Variants in ANXA8 observed in about 807,000 individuals in gnomAD.
ANXA8 encodes the protein VAC-beta.
Under a neutral mutation model 26.8 loss-of-function variants are expected in ANXA8, and 9 were observed. The ratio of observed to expected loss-of-function variants is 0.34; its 90% CI spans 0.20 to 0.59. The LOEUF (loss-of-function observed/expected upper bound fraction) is 0.59, where lower values mean the gene tolerates loss of function less well. Among genes scored for constraint, ANXA8 ranks in the 20% least tolerant of loss-of-function variants. The pLI, the probability that ANXA8 is intolerant of heterozygous loss-of-function variation, is 0.84. For missense variants in ANXA8, 83 were observed against 238.5 expected (o/e 0.35, Z 4.29); for synonymous variants, 39 against 94.8 (o/e 0.41, Z 3.42).
chr10:47,776,180 C>T, the ANXA8 span, among the ~76,000 whole-genome samples: 1 of 151,448 alleles, frequency 6.6e-6, no homozygotes, highest in Non-Finnish European at 1.5e-5. Flanking sequence ...TTCCTGAGGA[C>T]TTTTCAATTC....
the ANXA8 span, among the ~76,000 whole-genome samples, chr10:47,697,087 A>T: frequency 1.3e-4 from 19 of 150,890 alleles, no homozygotes; most frequent in South Asian, 4.2e-4. Context: ...TATCTCCTCC[A>T]CTAGGAAATA....
chr10:47,656,135 G>A, the ANXA8 span, among the ~76,000 whole-genome samples: 1 of 151,624 alleles, frequency 6.6e-6, no homozygotes, highest in Non-Finnish European at 1.5e-5. Flanking sequence ...GGTGGCTCAC[G>A]CCTATAATCC....
At chr10:47,928,839 C>T in the ANXA8 span, among the ~76,000 whole-genome samples, 39 of 113,968 alleles carry the variant, frequency 3.4e-4, no homozygotes, top group African/African-American at 1.2e-3. Flanking sequence ...CACTGCAACT[C>T]GAACTCCTGG....
the ANXA8 span, among the ~76,000 whole-genome samples, chr10:47,698,769 A>C: frequency 6.6e-6 from 1 of 152,108 alleles, no homozygotes; most frequent in East Asian, 1.9e-4. Context: ...TTGAGGCTGC[A>C]GTGAGCCATG....
the ANXA8 span, among the ~76,000 whole-genome samples, chr10:47,944,928 C>T: frequency 6.8e-6 from 1 of 148,134 alleles, no homozygotes; most frequent in South Asian, 2.1e-4. Context: ...AGCCCCATCT[C>T]GCTTCATGTG....
the ANXA8 span, among the ~76,000 whole-genome samples, chr10:47,540,433 TA>T: frequency 2.0e-3 from 203 of 101,944 alleles, 2 homozygotes; most frequent in African/African-American, 6.2e-3. Context: ...GAATAACCCT[TA>T]AAAAAAAAAT....
chr10:47,698,929 A>G, the ANXA8 span, among the ~76,000 whole-genome samples: 71 of 151,738 alleles, frequency 4.7e-4, no homozygotes, highest in African/African-American at 1.5e-3. Context: ...CCTAATGCCA[A>G]TGTCTTATTT....
chr10:47,969,326 G>A, the ANXA8 span, among the ~76,000 whole-genome samples: 18 of 151,556 alleles, frequency 1.2e-4, 1 homozygote, highest in Admixed American at 9.9e-4. Flanking sequence ...GAATTAGCAC[G>A]TAGGCTGCCT....
At chr10:47,682,396 G>A in the ANXA8 span, among the ~76,000 whole-genome samples, 1 of 144,166 alleles carries the variant, frequency 6.9e-6, no homozygotes, top group South Asian at 2.2e-4. Context: ...CACCAGAAGG[G>A]CATGCCTAAA....
At chr10:47,709,600 T>C in the ANXA8 span, among the ~76,000 whole-genome samples, 15,993 of 140,694 alleles carry the variant, frequency 0.11, 116 homozygotes, top group African/African-American at 0.17. Flanking sequence ...AATATTACAA[T>C]GTAGCACATG....
At chr10:47,645,316 T>C in the ANXA8 span, among the ~76,000 whole-genome samples, 1 of 146,708 alleles carries the variant, frequency 6.8e-6, no homozygotes, top group Non-Finnish European at 1.5e-5. Flanking sequence ...AACATAAAGG[T>C]AGTGGGAGAC....
chr10:47,976,571 AC>A, the ANXA8 span, among the ~76,000 whole-genome samples: 3 of 146,060 alleles, frequency 2.1e-5, no homozygotes, highest in African/African-American at 7.6e-5. Context: ...ACACACACAC[AC>A]AATTAACATT....
chr10:47,987,035 GCA>G, the ANXA8 span: 1 of 539,592 alleles, frequency 1.9e-6, no homozygotes, highest in Non-Finnish European at 3.6e-6. Flanking sequence ...CGTCCGGGGA[GCA>G]CAGGCAGCCC....
At chr10:47,557,661 G>C in the ANXA8 span, among the ~76,000 whole-genome samples, 1 of 151,682 alleles carries the variant, frequency 6.6e-6, no homozygotes, top group African/African-American at 2.4e-5. Flanking sequence ...AAAAGTGAGA[G>C]AGTACAGCTG....
chr10:47,562,190 A>G, the ANXA8 span, among the ~76,000 whole-genome samples: 4 of 151,768 alleles, frequency 2.6e-5, no homozygotes, highest in Non-Finnish European at 5.9e-5. Flanking sequence ...ACATTCTCTT[A>G]AAATATTGTT....
chr10:47,971,219 C>T, the ANXA8 span, among the ~76,000 whole-genome samples: 3 of 150,964 alleles, frequency 2.0e-5, no homozygotes, highest in African/African-American at 7.3e-5. Context: ...CCTGTGCACA[C>T]TCTTCTCCAT....
At chr10:47,589,592 G>A in the ANXA8 span, 1 of 146,158 alleles carries the variant, frequency 6.8e-6, no homozygotes, top group Admixed American at 6.6e-5. Flanking sequence ...TTCTATATTG[G>A]AGACTACCCA....
At chr10:47,502,802 G>C in the ANXA8 span, 8 of 1,587,924 alleles carry the variant, frequency 5.0e-6, no homozygotes, top group Admixed American at 6.9e-5. Context: ...AGGCTGGCCA[G>C]GATCTGGCTC....
chr10:47,605,937 A>C, the ANXA8 span, among the ~76,000 whole-genome samples: 1 of 109,230 alleles, frequency 9.2e-6, no homozygotes, highest in Non-Finnish European at 1.9e-5. Context: ...TAAAAGAAAA[A>C]AAAAAAAAAT....
Sources: gnomAD v4.1 joint callset for allele counts (sites outside exome capture counted in the v4.1 genomes callset) on GRCh38, gnomAD v4.1.1 for gene constraint, MANE v1.5 for transcripts, NCBI Gene and HGNC (gene_info 2026-07-23, HGNC 2026-07-21) for gene names.